Variants in CTBS observed in about 807,000 individuals in gnomAD.
CTBS encodes the protein di-N-acetylchitobiase.
CTBS carries 35 observed loss-of-function variants against 44.3 expected under a neutral mutation model. The ratio of observed to expected loss-of-function variants is 0.79; its 90% CI spans 0.60 to 1.05. CTBS has a LOEUF of 1.05. Ranked by LOEUF, CTBS falls within the 50% of genes least tolerant of loss-of-function variation. The pLI, the probability that CTBS is intolerant of heterozygous loss-of-function variation, is 0.00. For synonymous variants in CTBS, 143 were observed against 168.0 expected (o/e 0.85, Z 1.15); for missense variants, 458 against 475.3 (o/e 0.96, Z 0.34).
chr1:84,558,566 C>T (rs1033319304), intron 6 of CTBS, among the ~76,000 whole-genome samples: 1 of 150,058 alleles, frequency 6.7e-6, no homozygotes, highest in Non-Finnish European at 1.5e-5. Flanking sequence ...GCTGGGATTA[C>T]AGGCGTGAGC....
chr1:84,569,838 T>C (rs1305116679), intron 3 of CTBS, 93 bp downstream of exon 3: 10 of 1,126,890 alleles, frequency 8.9e-6, no homozygotes, highest in Non-Finnish European at 1.3e-5. Flanking sequence ...TCCCATTGCA[T>C]TACTATAAAA....
At position 84,554,989 on chromosome 1, in the gene CTBS, CA is replaced by C. The variant is rs1229220877; in HGVS notation, c.*9del. The C allele has an allele frequency of 5.1e-5, 82 of 1,610,298 alleles. No individual in the cohort carries two copies. Among genetic ancestry groups the C allele is most frequent in the Non-Finnish European group, 6.9e-5 (81 of 1,177,490 alleles). On this transcript the variant is annotated 3_prime_UTR_variant, in exon 7 of 7. Transcript: ENST00000370630. ...ATCTTTCTAACTCTTAATGGTTTGA[CA>C]AAAGATGTTCATCTCTGTAACAGCT...
chr1:84,567,448 T>G (rs1320495957), intron 3 of CTBS, among the ~76,000 whole-genome samples: 1 of 152,228 alleles, frequency 6.6e-6, no homozygotes, highest in Non-Finnish European at 1.5e-5. Flanking sequence ...GAGATGGTAC[T>G]ATTATTATAT....
chr1:84,550,815 A>T lies in CTBS; in HGVS notation c.*4184T>A, dbSNP rs548161144. The T allele has an allele frequency of 1.7e-4, 173 of 1,012,720 alleles. No homozygotes were observed. In the African/African-American group the frequency reaches 2.4e-3, roughly 14 times the overall value. The allele number at this position is 1,012,720 out of a possible 1,614,324, so 62.7% of individuals were successfully genotyped here. ...GTGAGTCAATATATTCTCAAAAAAAATTTTAAGTAGTTTTCCTGTATTAGA... is the reference window on the plus strand; with the variant it reads ...GTGAGTCAATATATTCTCAAAAAAATTTTTAAGTAGTTTTCCTGTATTAGA... On this transcript the variant is annotated 3_prime_UTR_variant, in exon 7 of 7. Coordinates refer to ENST00000370630, the MANE Select transcript of CTBS (RefSeq NM_004388.3).
At chr1:84,569,091 A>G (rs1647216911) in intron 3 of CTBS, among the ~76,000 whole-genome samples, 1 of 152,246 alleles carries the variant, frequency 6.6e-6, no homozygotes, top group Admixed American at 6.5e-5. Flanking sequence ...TATAATACTC[A>G]TAATGCTCTA....
rs1684306616 is a variant in CTBS at position 84,552,542 on chromosome 1, G to C, written c.*2457C>G. 6.6e-6 allele frequency: 1 copy of C among 151,978 alleles called. No homozygotes were observed. Among genetic ancestry groups the C allele is most frequent in the Admixed American group, 6.6e-5 (1 of 15,234 alleles). The allele number at this position is 151,978 out of a possible 1,614,324, so 9.4% of individuals were successfully genotyped here. On this transcript the variant is annotated 3_prime_UTR_variant, in exon 7 of 7. Coordinates refer to ENST00000370630, the MANE Select transcript of CTBS (RefSeq NM_004388.3). The stretch of plus-strand genomic sequence containing the variant: ...AAAATGGGGATAAATACTAGTATCT[G>C]ATTCTGTAAAATTTTTGAAAAAAAA...
At chr1:84,563,967 T>A in intron 4 of CTBS, 135 bp from the exon 5 acceptor site, 2 of 968,170 alleles carry the variant, frequency 2.1e-6, no homozygotes, top group Non-Finnish European at 2.8e-6. Context: ...GTTTAATATG[T>A]TATAAAACAT....
At chr1:84,564,847 C>T (rs1447018478) in intron 4 of CTBS, among the ~76,000 whole-genome samples, 1 of 151,924 alleles carries the variant, frequency 6.6e-6, no homozygotes, top group Admixed American at 6.6e-5. Context: ...GCCTGGGCAA[C>T]ATAGTATGAC....
rs937247115 is a variant in CTBS at position 84,554,475 on chromosome 1, A to T, written c.*524T>A. On this transcript the variant is annotated 3_prime_UTR_variant, in exon 7 of 7. Transcript: ENST00000370630. Reference sequence around the variant, plus strand: ...CTCAGAGAACATAAATACTATATGGAGTCAGGAAGCAGAAAAATTATTTTC... The same window carrying T: ...CTCAGAGAACATAAATACTATATGGTGTCAGGAAGCAGAAAAATTATTTTC... 3 of 153,762 alleles carry T rather than the reference A, an allele frequency of 2.0e-5. No homozygotes were observed. The highest frequency in any genetic ancestry group is 7.2e-5 in the African/African-American group (3 of 41,434). 9.5% of individuals were successfully genotyped at this position (153,762 alleles called of 1,614,324 possible).
At position 84,570,156 on chromosome 1, in the gene CTBS, T is replaced by A. The variant is rs7517918; in HGVS notation, c.317-17A>T. 9,293 of 1,594,500 alleles carry A rather than the reference T, an allele frequency of 5.8e-3. 448 individuals carry two copies. The African/African-American group carries it at 0.1, about 18-fold the overall frequency. ...ATACATCTCCTGTGGAAGAAGTATA[T>A]ATCTTTTGAACATGTATGCAAAAAC... is the stretch of plus-strand genomic sequence containing the variant. On this transcript the variant is annotated splice_polypyrimidine_tract_variant and intron_variant, in intron 2 of 6. Transcript: ENST00000370630.
In CTBS at chr1:84,564,099, A is replaced by G. The variant is rs543409283; in HGVS notation, c.698-267T>C. ...ATATTCACAAAATCTAATTCTAGGAAGAATGACACATTTCAGGAAAGTATG... is the reference window on the plus strand; with the variant it reads ...ATATTCACAAAATCTAATTCTAGGAGGAATGACACATTTCAGGAAAGTATG... On this transcript the variant is annotated intron_variant, in intron 4 of 6. Transcript: ENST00000370630. Among the ~76,000 whole-genome samples the G allele has an allele frequency of 5.9e-5, 9 of 152,358 alleles. No individual in the cohort carries two copies. In the East Asian group the frequency reaches 1.7e-3, roughly 29 times the overall value.
chr1:84,556,289 TA>T (rs1438264989), intron 6 of CTBS, among the ~76,000 whole-genome samples: 1 of 152,080 alleles, frequency 6.6e-6, no homozygotes, highest in Non-Finnish European at 1.5e-5. Flanking sequence ...AGATAAAAAA[TA>T]GAAAGACCTG....
chr1:84,556,098 T>C (rs1684422197), intron 6 of CTBS: 1 of 152,166 alleles, frequency 6.6e-6, no homozygotes, highest in East Asian at 1.9e-4. Flanking sequence ...GAGCCATAAA[T>C]TAGATTCTGG....
At chr1:84,571,474 A>G (rs1274330894) in intron 1 of CTBS, among the ~76,000 whole-genome samples, 1 of 152,256 alleles carries the variant, frequency 6.6e-6, no homozygotes, top group African/African-American at 2.4e-5. Context: ...TTCTTAGAAT[A>G]GTACCTAGGT....
In CTBS at chr1:84,550,462, C is replaced by CA; in HGVS notation, c.*4536dup. 1.9e-6 allele frequency: 3 copies of CA among 1,562,948 alleles called. No homozygotes were observed. The highest frequency in any genetic ancestry group is 2.6e-6 in the Non-Finnish European group (3 of 1,152,856). On this transcript the variant is annotated 3_prime_UTR_variant, in exon 7 of 7. Coordinates refer to ENST00000370630, the MANE Select transcript of CTBS (RefSeq NM_004388.3). ...CCTAATAATCCAGATCACTGAGGTA[C>CA]AGCATGCAATTGACCAGCTTAAGAG...
rs1222112110 is a variant in CTBS at position 84,555,106 on chromosome 1, T to C, written c.1051A>G (p.Ile351Val). The change falls in exon 7 of 7, where the codon ATT becomes GTT. Residue 351 changes from isoleucine (I) to valine (V), a missense_variant. Ile to Val is a conservative substitution (Grantham distance 29). Coordinates refer to ENST00000370630, the MANE Select transcript of CTBS (RefSeq NM_004388.3). ...AGACAGTTTGCATTCCACATGCCAA[T>C]GCCCCGTAAGCGATAGTTTTGTATA... ...TYIQNYRLRG[I>V]GMWNANCLDY... 1 of 1,613,978 alleles carries C rather than the reference T, an allele frequency of 6.2e-7. No homozygotes were observed.
chr1:84,552,824 T>C lies in CTBS; in HGVS notation c.*2175A>G, dbSNP rs1684318136. On this transcript the variant is annotated 3_prime_UTR_variant, in exon 7 of 7. Transcript: ENST00000370630. ...TCTACTCATAAACAAGGTTACCTTATAGCATATCTCACCAGTAGATAAGCA... is the reference window on the plus strand; with the variant it reads ...TCTACTCATAAACAAGGTTACCTTACAGCATATCTCACCAGTAGATAAGCA... 7 of 459,342 alleles carry C rather than the reference T, an allele frequency of 1.5e-5. No homozygotes were observed. Among genetic ancestry groups the C allele is most frequent in the Middle Eastern group, 1.1e-3 (2 of 1,794 alleles). The allele number at this position is 459,342 out of a possible 1,614,324, so 28.5% of individuals were successfully genotyped here. A position where few individuals can be genotyped will look rare whatever the true frequency, so the allele number is the denominator to read the frequency against.
At position 84,550,849 on chromosome 1, in the gene CTBS, G is replaced by GTCTGCC; in HGVS notation, c.*4149_*4150insGGCAGA. 1 of 992,564 alleles carries GTCTGCC rather than the reference G, an allele frequency of 1.0e-6. No individual in the cohort carries two copies. The allele number at this position is 992,564 out of a possible 1,614,324, so 61.5% of individuals were successfully genotyped here. Reference sequence around the variant, plus strand: ...AGTTTTCCTGTATTAGAATTATTAAGTCTGATAAACCACTGAGCTCTCCTC... The same window carrying GTCTGCC: ...AGTTTTCCTGTATTAGAATTATTAAGTCTGCCTCTGATAAACCACTGAGCTCTCCTC... On this transcript the variant is annotated 3_prime_UTR_variant, in exon 7 of 7. Transcript: ENST00000370630.
chr1:84,570,948 G>T (rs575591300), intron 1 of CTBS, among the ~76,000 whole-genome samples: 5 of 152,288 alleles, frequency 3.3e-5, no homozygotes, highest in African/African-American at 9.6e-5. Context: ...CCAAGGCCTG[G>T]AGGCAGAGAC....
Sources: allele counts gnomAD v4.1 joint callset (sites outside exome capture counted in the v4.1 genomes callset), GRCh38; gene constraint gnomAD v4.1.1; transcripts MANE v1.5; gene names NCBI Gene and HGNC (gene_info 2026-07-23, HGNC 2026-07-21).